The following BHLHA9 variants were observed in gnomAD, a reference collection of about 807,000 sequenced individuals.
BHLHA9 encodes class A basic helix-loop-helix protein 9.
For synonymous variants in BHLHA9, 177 were observed against 179.7 expected, an observed-to-expected ratio of 0.98 and a Z score of 0.12; for missense variants, 344 against 365.9, an observed-to-expected ratio of 0.94 and a Z score of 0.49.
rs912059800 is a variant in BHLHA9 at position 1,271,122 on chromosome 17, C to G, written c.559C>G (p.Arg187Gly). The change falls in exon 1 of 1, where the codon CGG becomes GGG. Residue 187 changes from arginine to glycine, a missense_variant. Arg to Gly is a moderately radical substitution (Grantham distance 125). Transcript: ENST00000391429. ...GTGCCCCCCGCACGCGCCCCTGGCA[C>G]GGCCCAGTGCGGTGGCCGAGGGGCC... ...ASCPPHAPLA[R>G]PSAVAEGPGL... 8.9e-4 allele frequency: 1,095 copies of G among 1,229,204 alleles called. No individual in the cohort carries two copies. The highest frequency in any genetic ancestry group is 1.7e-3 in the South Asian group (42 of 25,282). 76.1% of individuals were successfully genotyped at this position (1,229,204 alleles called of 1,614,324 possible). A position where few individuals can be genotyped will look rare whatever the true frequency, so the allele number is the denominator to read the frequency against.
rs750529201 is a variant in BHLHA9, at chr17:1,270,988, GCGGGGACAC to G, written c.435_443del (p.Asp147_Gly149del). ...CTGGAGTGCCACGGCCCGGCCGCGC[GCGGGGACAC>G]CGGGGACACAGGCGCCAGCCCCCCG... On this transcript the variant is annotated inframe_deletion, in exon 1 of 1. Coordinates refer to ENST00000391429, the MANE Select transcript of BHLHA9 (RefSeq NM_001164405.2). The G allele has an allele frequency of 4.9e-6, 6 of 1,221,460 alleles. No individual in the cohort carries two copies. Among genetic ancestry groups the G allele is most frequent in the African/African-American group, 1.6e-5 (1 of 63,322 alleles). 75.7% of individuals were successfully genotyped at this position (1,221,460 alleles called of 1,614,324 possible). A position where few individuals can be genotyped will look rare whatever the true frequency, so the allele number is the denominator to read the frequency against.
At position 1,270,826 on chromosome 17, in the gene BHLHA9, T is replaced by TGC; in HGVS notation, c.266_267dup (p.Arg90AlafsTer109). On this transcript the variant is annotated frameshift_variant, in exon 1 of 1. Transcript: ENST00000391429. LOFTEE classifies it low-confidence loss of function (END_TRUNC). ...GACTACAACGAGGCCTTCAACGCGC[T>TGC]GCGCCGGGCGCTGCGGCACGACCTG... is the stretch of plus-strand genomic sequence containing the variant. 1.0e-5 allele frequency: 15 copies of TGC among 1,476,074 alleles called. No individual in the cohort carries two copies. The highest frequency in any genetic ancestry group is 1.3e-5 in the Non-Finnish European group (15 of 1,119,186). 91.4% of individuals were successfully genotyped at this position (1,476,074 alleles called of 1,614,324 possible).
rs1231700670 is a variant in BHLHA9, at chr17:1,270,667, G to A, written c.104G>A (p.Gly35Glu). Reference protein sequence around the residue: ...GPCPEPGGDSGVLGANGASCS... With the variant: ...GPCPEPGGDSEVLGANGASCS... ...TGCCCCGAGCCCGGGGGCGATTCGG[G>A]GGTGCTGGGGGCGAACGGCGCTTCC... is the stretch of plus-strand genomic sequence containing the variant. Residue 35 changes from glycine to glutamate, a missense_variant, in exon 1 of 1, where the codon GGG becomes GAG. Transcript: ENST00000391429. The A allele has an allele frequency of 1.5e-6, 2 of 1,314,050 alleles. No homozygotes were observed. The highest frequency in any genetic ancestry group is 4.7e-5 in the South Asian group (2 of 42,790). The allele number at this position is 1,314,050 out of a possible 1,614,324, so 81.4% of individuals were successfully genotyped here.
rs1225863328 is a variant in BHLHA9, at chr17:1,271,261, C to T, written c.698C>T (p.Pro233Leu). The change falls in exon 1 of 1, where the codon CCG (proline) becomes CTG (leucine). Residue 233 changes from proline to leucine, a missense_variant. Pro to Leu is a moderately conservative substitution (Grantham distance 98). Transcript: ENST00000391429. ...CGATCCGCCCCCGGGATGGGCCATC[C>T]GCGCTCCTGACCGGCCTCGAGGCAC... is the stretch of plus-strand genomic sequence containing the variant. ...YLRSAPGMGH[P>L]RS The T allele has an allele frequency of 1.6e-6, 2 of 1,253,758 alleles. No homozygotes were observed. Among genetic ancestry groups the T allele is most frequent in the Non-Finnish European group, 1.0e-6 (1 of 991,494 alleles). The allele number at this position is 1,253,758 out of a possible 1,614,324, so 77.7% of individuals were successfully genotyped here.
At position 1,271,202 on chromosome 17, in the gene BHLHA9, T is replaced by G; in HGVS notation, c.639T>G (p.Ser213=). Residue 213 remains serine (S), a synonymous_variant, in exon 1 of 1, where the codon TCT becomes TCG. Coordinates refer to ENST00000391429, the MANE Select transcript of BHLHA9 (RefSeq NM_001164405.2). The stretch of plus-strand genomic sequence containing the variant: ...GGCGCCGCTGTCCGGGGGCTTCCTC[T>G]GCCGGGCCGCCTCCCTGGCCGCGGG... ...GSWRRCPGAS[S]AGPPPWPRGY... 8.0e-7 allele frequency: 1 copy of G among 1,252,126 alleles called. No individual in the cohort carries two copies. The highest frequency in any genetic ancestry group is 1.0e-6 in the Non-Finnish European group (1 of 993,572). The allele number at this position is 1,252,126 out of a possible 1,614,324, so 77.6% of individuals were successfully genotyped here.
In BHLHA9 at chr17:1,270,703, G is replaced by C; in HGVS notation, c.140G>C (p.Gly47Ala). ...LGANGASCSR[G>A]EAEEPAGRRR... ...GCGAACGGCGCTTCCTGCAGCCGGGGCGAGGCGGAGGAGCCGGCGGGCAGG... is the reference window on the plus strand; with the variant it reads ...GCGAACGGCGCTTCCTGCAGCCGGGCCGAGGCGGAGGAGCCGGCGGGCAGG... The change falls in exon 1 of 1, where the codon GGC (glycine) becomes GCC (alanine). Residue 47 changes from glycine to alanine, a missense_variant. Physicochemically the swap from Gly to Ala is moderately conservative, Grantham distance 60. Coordinates refer to ENST00000391429, the MANE Select transcript of BHLHA9 (RefSeq NM_001164405.2). 2.3e-6 allele frequency: 3 copies of C among 1,332,048 alleles called. No homozygotes were observed. Among genetic ancestry groups the C allele is most frequent in the Non-Finnish European group, 2.9e-6 (3 of 1,050,646 alleles). 82.5% of individuals were successfully genotyped at this position (1,332,048 alleles called of 1,614,324 possible).
rs1297370149 is a variant in BHLHA9 at position 1,271,421 on chromosome 17, T to C, written c.*150T>C. 1 of 558,652 alleles carries C rather than the reference T, an allele frequency of 1.8e-6. No individual in the cohort carries two copies. Among genetic ancestry groups the C allele is most frequent in the Non-Finnish European group, 2.8e-6 (1 of 361,242 alleles). The allele number at this position is 558,652 out of a possible 1,614,324, so 34.6% of individuals were successfully genotyped here. A position where few individuals can be genotyped will look rare whatever the true frequency, so the allele number is the denominator to read the frequency against. On this transcript the variant is annotated 3_prime_UTR_variant, in exon 1 of 1. Transcript: ENST00000391429. Reference sequence around the variant, plus strand: ...AAGGAGCTCGCCAGAGAGAAGGAGCTCCGGGACCCGGGGTTGCGCCCCCAC... The same window carrying C: ...AAGGAGCTCGCCAGAGAGAAGGAGCCCCGGGACCCGGGGTTGCGCCCCCAC...
Position 1,271,097 on chromosome 17 carries a change from G to T in BHLHA9, c.534G>T (p.Ser178=). Residue 178 remains serine (S), a synonymous_variant, in exon 1 of 1, where the codon TCG becomes TCT. Transcript: ENST00000391429. ...PSVPSAPRCA[S]CPPHAPLARP... ...TGCCGTCCGCGCCCCGCTGCGCCTC[G>T]TGCCCCCCGCACGCGCCCCTGGCAC... 1 of 1,231,702 alleles carries T rather than the reference G, an allele frequency of 8.1e-7. No homozygotes were observed. Among genetic ancestry groups the T allele is most frequent in the Non-Finnish European group, 1.0e-6 (1 of 990,372 alleles). The allele number at this position is 1,231,702 out of a possible 1,614,324, so 76.3% of individuals were successfully genotyped here.
chr17:1,271,132 C>G lies in BHLHA9; in HGVS notation c.569C>G (p.Ala190Gly). The G allele has an allele frequency of 1.6e-6, 2 of 1,233,950 alleles. No individual in the cohort carries two copies. Among genetic ancestry groups the G allele is most frequent in the Non-Finnish European group, 2.0e-6 (2 of 989,312 alleles). The allele number at this position is 1,233,950 out of a possible 1,614,324, so 76.4% of individuals were successfully genotyped here. A position where few individuals can be genotyped will look rare whatever the true frequency, so the allele number is the denominator to read the frequency against. Residue 190 changes from alanine to glycine, a missense_variant, in exon 1 of 1, where the codon GCG (alanine) becomes GGG (glycine). Physicochemically the swap from Ala to Gly is moderately conservative, Grantham distance 60. Transcript: ENST00000391429. ...CACGCGCCCCTGGCACGGCCCAGTG[C>G]GGTGGCCGAGGGGCCGGGCCTAGCA... ...PPHAPLARPS[A>G]VAEGPGLAQA...
chr17:1,271,115 C>T lies in BHLHA9; in HGVS notation c.552C>T (p.Pro184=). The T allele has an allele frequency of 8.1e-7, 1 of 1,238,840 alleles. No homozygotes were observed. The highest frequency in any genetic ancestry group is 1.0e-6 in the Non-Finnish European group (1 of 994,770). 76.7% of individuals were successfully genotyped at this position (1,238,840 alleles called of 1,614,324 possible). A position where few individuals can be genotyped will look rare whatever the true frequency, so the allele number is the denominator to read the frequency against. The change falls in exon 1 of 1, where the codon CCC becomes CCT. Residue 184 remains proline (P), a synonymous_variant. Transcript: ENST00000391429. ...GCGCCTCGTGCCCCCCGCACGCGCC[C>T]CTGGCACGGCCCAGTGCGGTGGCCG... ...PRCASCPPHA[P]LARPSAVAEG...
At position 1,270,653 on chromosome 17, in the gene BHLHA9, C is replaced by CG; in HGVS notation, c.95dup (p.Asp33ArgfsTer240). 3 of 1,307,882 alleles carry CG rather than the reference C, an allele frequency of 2.3e-6. No homozygotes were observed. The highest frequency in any genetic ancestry group is 2.4e-5 in the South Asian group (1 of 41,592). The allele number at this position is 1,307,882 out of a possible 1,614,324, so 81.0% of individuals were successfully genotyped here. On this transcript the variant is annotated frameshift_variant, in exon 1 of 1. Coordinates refer to ENST00000391429, the MANE Select transcript of BHLHA9 (RefSeq NM_001164405.2). LOFTEE classifies it low-confidence loss of function (END_TRUNC). ...ACTTGGGGGGCCCCTGCCCCGAGCC[C>CG]GGGGGCGATTCGGGGGTGCTGGGGG...
rs887848472 is a variant in BHLHA9, at chr17:1,270,516, A to T, written c.-48A>T. 3 of 1,093,032 alleles carry T rather than the reference A, an allele frequency of 2.7e-6. No homozygotes were observed. The East Asian group carries it at 9.7e-5, about 35-fold the overall frequency. The allele number at this position is 1,093,032 out of a possible 1,614,324, so 67.7% of individuals were successfully genotyped here. On this transcript the variant is annotated 5_prime_UTR_variant, in exon 1 of 1. Transcript: ENST00000391429. ...GGCCAAGGCAGTGGGCAGAGGGCAGAGGGCAGAGGGCCGGGGCTGGGGCAG... is the reference window on the plus strand; with the variant it reads ...GGCCAAGGCAGTGGGCAGAGGGCAGTGGGCAGAGGGCCGGGGCTGGGGCAG...
Position 1,270,802 on chromosome 17 carries a change from A to G in BHLHA9, c.239A>G (p.Asp80Gly), listed in dbSNP as rs2150799683. The change falls in exon 1 of 1, where the codon GAC (aspartate) becomes GGC (glycine). Residue 80 changes from aspartate (D) to glycine (G), a missense_variant. Physicochemically the swap from Asp to Gly is moderately conservative, Grantham distance 94. Transcript: ENST00000391429. ...GTGCGGGAGCGCAAGCGCATCCTAG[A>G]CTACAACGAGGCCTTCAACGCGCTG... Reference protein sequence around the residue: ...ANVRERKRILDYNEAFNALRR... With the variant: ...ANVRERKRILGYNEAFNALRR... The G allele has an allele frequency of 6.8e-7, 1 of 1,475,072 alleles. No homozygotes were observed. Among genetic ancestry groups the G allele is most frequent in the East Asian group, 3.0e-5 (1 of 33,464 alleles). The allele number at this position is 1,475,072 out of a possible 1,614,324, so 91.4% of individuals were successfully genotyped here. A position where few individuals can be genotyped will look rare whatever the true frequency, so the allele number is the denominator to read the frequency against.
chr17:1,271,234 T>A lies in BHLHA9; in HGVS notation c.671T>A (p.Leu224Gln), dbSNP rs2071881543. ...AGPPPWPRGY[L>Q]RSAPGMGHPR... Reference sequence around the variant, plus strand: ...CCGCCTCCCTGGCCGCGGGGCTACCTGCGATCCGCCCCCGGGATGGGCCAT... The same window carrying A: ...CCGCCTCCCTGGCCGCGGGGCTACCAGCGATCCGCCCCCGGGATGGGCCAT... Residue 224 changes from leucine (L) to glutamine (Q), a missense_variant, in exon 1 of 1, where the codon CTG becomes CAG. By Grantham distance (113) the Leu-to-Gln change is moderately radical. Coordinates refer to ENST00000391429, the MANE Select transcript of BHLHA9 (RefSeq NM_001164405.2). 4 of 1,254,870 alleles carry A rather than the reference T, an allele frequency of 3.2e-6. No individual in the cohort carries two copies. Among genetic ancestry groups the A allele is most frequent in the South Asian group, 3.6e-5 (1 of 27,512 alleles). The allele number at this position is 1,254,870 out of a possible 1,614,324, so 77.7% of individuals were successfully genotyped here. A position where few individuals can be genotyped will look rare whatever the true frequency, so the allele number is the denominator to read the frequency against.
Position 1,270,738 on chromosome 17 carries a change from C to A in BHLHA9, c.175C>A (p.Arg59=). ...GGAGCCGGCGGGCAGGAGGCGCGCGCGGCCGGTGCGGTCCAAGGCGCGGCG... is the reference window on the plus strand; with the variant it reads ...GGAGCCGGCGGGCAGGAGGCGCGCGAGGCCGGTGCGGTCCAAGGCGCGGCG... ...AEEPAGRRRA[R]PVRSKARRMA... Residue 59 remains arginine (R), a synonymous_variant, in exon 1 of 1, where the codon CGG becomes AGG. Coordinates refer to ENST00000391429, the MANE Select transcript of BHLHA9 (RefSeq NM_001164405.2). 2 of 1,371,596 alleles carry A rather than the reference C, an allele frequency of 1.5e-6. No individual in the cohort carries two copies. The highest frequency in any genetic ancestry group is 9.3e-7 in the Non-Finnish European group (1 of 1,069,766). The allele number at this position is 1,371,596 out of a possible 1,614,324, so 85.0% of individuals were successfully genotyped here. A position where few individuals can be genotyped will look rare whatever the true frequency, so the allele number is the denominator to read the frequency against.
At position 1,271,426 on chromosome 17, in the gene BHLHA9, G is replaced by A. The variant is rs1375951102; in HGVS notation, c.*155G>A. On this transcript the variant is annotated 3_prime_UTR_variant, in exon 1 of 1. Coordinates refer to ENST00000391429, the MANE Select transcript of BHLHA9 (RefSeq NM_001164405.2). Reference sequence around the variant, plus strand: ...GCTCGCCAGAGAGAAGGAGCTCCGGGACCCGGGGTTGCGCCCCCACATCCC... The same window carrying A: ...GCTCGCCAGAGAGAAGGAGCTCCGGAACCCGGGGTTGCGCCCCCACATCCC... 3.7e-6 allele frequency: 2 copies of A among 540,154 alleles called. No individual in the cohort carries two copies. Among genetic ancestry groups the A allele is most frequent in the East Asian group, 7.0e-5 (2 of 28,390 alleles). 33.5% of individuals were successfully genotyped at this position (540,154 alleles called of 1,614,324 possible).
Position 1,271,062 on chromosome 17 carries a change from C to A in BHLHA9, c.499C>A (p.Arg167Ser), listed in dbSNP as rs1382227556. 1.3e-5 allele frequency: 16 copies of A among 1,192,256 alleles called. No homozygotes were observed. Among genetic ancestry groups the A allele is most frequent in the Non-Finnish European group, 1.5e-5 (14 of 965,124 alleles). 73.9% of individuals were successfully genotyped at this position (1,192,256 alleles called of 1,614,324 possible). Residue 167 changes from arginine (R) to serine (S), a missense_variant, in exon 1 of 1, where the codon CGC becomes AGC. Arg to Ser is a moderately radical substitution (Grantham distance 110). Coordinates refer to ENST00000391429, the MANE Select transcript of BHLHA9 (RefSeq NM_001164405.2). ...CAGCCTCGCGCGCCCAGACGCCGCC[C>A]GCCCCTCGGTGCCGTCCGCGCCCCG... ...GPSLARPDAA[R>S]PSVPSAPRCA...
At position 1,270,495 on chromosome 17, in the gene BHLHA9, AAGGCAGT is replaced by A. The variant is rs1231467069; in HGVS notation, c.-68_-62del. On this transcript the variant is annotated 5_prime_UTR_variant, in exon 1 of 1. Coordinates refer to ENST00000391429, the MANE Select transcript of BHLHA9 (RefSeq NM_001164405.2). Reference sequence around the variant, plus strand: ...GACCGTCCGCGTCGCGAGCCGGGCCAAGGCAGTGGGCAGAGGGCAGAGGGCAGAGGGC... The same window carrying A: ...GACCGTCCGCGTCGCGAGCCGGGCCAGGGCAGAGGGCAGAGGGCAGAGGGC... 38 of 923,906 alleles carry A rather than the reference AAGGCAGT, an allele frequency of 4.1e-5. No individual in the cohort carries two copies. The highest frequency in any genetic ancestry group is 3.6e-4 in the Middle Eastern group (1 of 2,754). The allele number at this position is 923,906 out of a possible 1,614,324, so 57.2% of individuals were successfully genotyped here.
Position 1,270,830 on chromosome 17 carries a change from C to A in BHLHA9, c.267C>A (p.Arg89=). The change falls in exon 1 of 1, where the codon CGC becomes CGA. Residue 89 remains arginine (R), a synonymous_variant. Coordinates refer to ENST00000391429, the MANE Select transcript of BHLHA9 (RefSeq NM_001164405.2). ...LDYNEAFNAL[R]RALRHDLGGK... The stretch of plus-strand genomic sequence containing the variant: ...ACAACGAGGCCTTCAACGCGCTGCG[C>A]CGGGCGCTGCGGCACGACCTGGGCG... 24 of 1,476,730 alleles carry A rather than the reference C, an allele frequency of 1.6e-5. No homozygotes were observed. The highest frequency in any genetic ancestry group is 1.7e-5 in the Non-Finnish European group (19 of 1,119,574). The allele number at this position is 1,476,730 out of a possible 1,614,324, so 91.5% of individuals were successfully genotyped here.
Sources: allele counts gnomAD v4.1 joint callset, GRCh38; gene constraint gnomAD v4.1.1; transcripts MANE v1.5; gene names NCBI Gene and HGNC (gene_info 2026-07-23, HGNC 2026-07-21).